The following MAF variants were observed in gnomAD, a reference collection of about 807,000 sequenced individuals.
MAF encodes the protein MAF bZIP transcription factor.
Under a neutral mutation model 22.0 loss-of-function variants are expected in MAF, and 10 were observed. That is an observed-to-expected ratio of 0.45 (90% CI 0.28 to 0.77). MAF has a LOEUF of 0.77. MAF is among the 30% of genes least tolerant of loss of function. The pLI, the probability that MAF is intolerant of heterozygous loss-of-function variation, is 0.12. For missense variants in MAF, 544 were observed against 548.4 expected, an observed-to-expected ratio of 0.99 and a Z score of 0.08; for synonymous variants, 337 against 255.8, an observed-to-expected ratio of 1.32 and a Z score of -3.03.
chr16:79,381,678 C>G, the MAF span, among the ~76,000 whole-genome samples: 1 of 152,172 alleles, frequency 6.6e-6, no homozygotes, highest in Non-Finnish European at 1.5e-5. Flanking sequence ...GTGTGAATCA[C>G]GTGGTTGCTA....
chr16:79,590,275 G>C (rs1199776843), downstream of MAF, among the ~76,000 whole-genome samples: 1 of 152,158 alleles, frequency 6.6e-6, no homozygotes, highest in Admixed American at 6.5e-5. Context: ...GACAAACTCA[G>C]CATCCTCTCT....
the MAF span, among the ~76,000 whole-genome samples, chr16:79,395,422 A>G: frequency 6.6e-6 from 1 of 152,204 alleles, no homozygotes; most frequent in Non-Finnish European, 1.5e-5. Context: ...ATATAAGCTT[A>G]TTTGGAAATA....
the MAF span, among the ~76,000 whole-genome samples, chr16:79,453,134 C>T: frequency 6.6e-6 from 1 of 152,146 alleles, no homozygotes; most frequent in Non-Finnish European, 1.5e-5. Context: ...ACTTTTCAGA[C>T]CTCCGCCTAA....
chr16:79,579,061 C>G, the MAF span, among the ~76,000 whole-genome samples: 1 of 152,004 alleles, frequency 6.6e-6, no homozygotes, highest in Admixed American at 6.6e-5. Flanking sequence ...TTCACATAAA[C>G]ATTTCTTTCT....
the MAF span, among the ~76,000 whole-genome samples, chr16:79,222,213 C>T: frequency 6.6e-6 from 1 of 152,086 alleles, no homozygotes; most frequent in African/African-American, 2.4e-5. Flanking sequence ...ATTTTCAACC[C>T]AGGATTTCAT....
chr16:79,212,227 T>G, the MAF span: 1 of 1,382,238 alleles, frequency 7.2e-7, no homozygotes, highest in Non-Finnish European at 9.5e-7. Flanking sequence ...AAGTGTTCAC[T>G]GCTCCTTGCT....
the MAF span, among the ~76,000 whole-genome samples, chr16:79,259,600 A>G: frequency 1.8e-4 from 28 of 152,168 alleles, no homozygotes; most frequent in Admixed American, 1.8e-3. Flanking sequence ...GGGTGAAAAA[A>G]GGATGGAAGA....
the MAF span, among the ~76,000 whole-genome samples, chr16:79,475,358 A>G: frequency 1.1e-5 from 1 of 94,710 alleles, no homozygotes; most frequent in Non-Finnish European, 2.7e-5. Context: ...ATGTATGTAT[A>G]TATATGTGTG....
chr16:79,459,564 C>G, the MAF span, among the ~76,000 whole-genome samples: 1 of 151,802 alleles, frequency 6.6e-6, no homozygotes, highest in African/African-American at 2.4e-5. Flanking sequence ...TCAATAAGTT[C>G]TTACTTATTC....
the MAF span, among the ~76,000 whole-genome samples, chr16:79,566,777 C>T: frequency 3.3e-5 from 5 of 152,190 alleles, no homozygotes; most frequent in African/African-American, 9.7e-5. Flanking sequence ...ACTCCTTCCA[C>T]ACTTCATGGA....
At chr16:79,300,460 C>G in the MAF span, among the ~76,000 whole-genome samples, 1 of 152,226 alleles carries the variant, frequency 6.6e-6, no homozygotes, top group African/African-American at 2.4e-5. Context: ...GAGGCTGAGT[C>G]AGGAGAATCA....
the MAF span, among the ~76,000 whole-genome samples, chr16:79,294,667 G>T: frequency 6.6e-6 from 1 of 152,084 alleles, no homozygotes; most frequent in Non-Finnish European, 1.5e-5. Flanking sequence ...GAGGAAATTA[G>T]CTTCAGAGAG....
the MAF span, chr16:79,205,131 G>A: frequency 1.3e-5 from 2 of 152,320 alleles, no homozygotes; most frequent in East Asian, 3.9e-4. Flanking sequence ...GTGAGCACGT[G>A]CCTGTCATTT....
chr16:79,424,567 T>C, the MAF span, among the ~76,000 whole-genome samples: 25 of 152,094 alleles, frequency 1.6e-4, no homozygotes, highest in Admixed American at 2.6e-4. Flanking sequence ...CTTCTGATTT[T>C]TAAAGGAAAT....
the MAF span, among the ~76,000 whole-genome samples, chr16:79,570,506 CT>C: frequency 9.8e-5 from 15 of 152,310 alleles, no homozygotes; most frequent in East Asian, 2.9e-3. Flanking sequence ...CCATCTCTAA[CT>C]TCTCTGCTTA....
At chr16:79,555,891 G>A in the MAF span, among the ~76,000 whole-genome samples, 1 of 152,060 alleles carries the variant, frequency 6.6e-6, no homozygotes, top group Non-Finnish European at 1.5e-5. Context: ...ACCTGTTAAT[G>A]GTATTTCTAC....
chr16:79,204,890 C>T, the MAF span: 1 of 152,210 alleles, frequency 6.6e-6, no homozygotes, highest in Non-Finnish European at 1.5e-5. Context: ...GGAGTAAGAG[C>T]CACATTCTTG....
the MAF span, among the ~76,000 whole-genome samples, chr16:79,364,617 G>T: frequency 1.1e-4 from 17 of 152,216 alleles, no homozygotes; most frequent in Non-Finnish European, 2.9e-5. Flanking sequence ...GTAGCAAAAA[G>T]TTAGCATGCT....
the MAF span, among the ~76,000 whole-genome samples, chr16:79,209,508 C>A: frequency 1.3e-5 from 2 of 152,156 alleles, no homozygotes; most frequent in African/African-American, 4.8e-5. Flanking sequence ...ACCATTGTGG[C>A]ATAGAGGGCG....
Sources: gnomAD v4.1 joint callset for allele counts (sites outside exome capture counted in the v4.1 genomes callset) on GRCh38, gnomAD v4.1.1 for gene constraint, MANE v1.5 for transcripts, NCBI Gene and HGNC (gene_info 2026-07-23, HGNC 2026-07-21) for gene names.